PTPRK: variants seen among roughly 807,000 people sequenced by gnomAD.
The protein encoded by PTPRK is receptor-type tyrosine-protein phosphatase kappa.
In PTPRK, 75 loss-of-function variants were observed where a neutral mutation model predicts 178.0. The ratio of observed to expected loss-of-function variants is 0.42; its 90% CI spans 0.35 to 0.51. The LOEUF is 0.51. PTPRK is among the 20% of genes least tolerant of loss of function. The pLI is 0.02. For missense variants in PTPRK, 1,441 were observed against 1,797.8 expected, an observed-to-expected ratio of 0.80 and a Z score of 3.59; for synonymous variants, 637 against 620.6, an observed-to-expected ratio of 1.03 and a Z score of -0.39.
chr6:128,339,565 A>G (rs868418820), intron 2 of PTPRK, among the ~76,000 whole-genome samples: 62 of 152,158 alleles, frequency 4.1e-4, no homozygotes, highest in African/African-American at 1.5e-3. Context: ...GCTACAACAC[A>G]CATATGTATC....
chr6:128,388,227 G>A (rs1839044868), intron 2 of PTPRK, among the ~76,000 whole-genome samples: 1 of 152,122 alleles, frequency 6.6e-6, no homozygotes, highest in Admixed American at 6.5e-5. Context: ...AAGACATAAG[G>A]AGGAGACAAC....
At chr6:128,505,182 C>T (rs1856146371) in intron 1 of PTPRK, among the ~76,000 whole-genome samples, 2 of 150,080 alleles carry the variant, frequency 1.3e-5, no homozygotes, top group African/African-American at 4.9e-5. Flanking sequence ...CGGCTCGCTG[C>T]AACTTCTGCC....
chr6:128,067,797 G>A lies in PTPRK; in HGVS notation c.1884-5C>T. The A allele has an allele frequency of 6.4e-7, 1 of 1,565,824 alleles. No homozygotes were observed. Among genetic ancestry groups the A allele is most frequent in the Non-Finnish European group, 8.7e-7 (1 of 1,155,918 alleles). On this transcript the variant is annotated splice_polypyrimidine_tract_variant and splice_region_variant and intron_variant, in intron 11 of 29. Transcript: ENST00000368226. ...TCCACAACAATCTGATAAGCACTTT[G>A]GGGAAAAGAAAAAAAGAACACACAT...
Position 128,261,262 on chromosome 6 carries a change from A to G in PTPRK, c.496-18660T>C, listed in dbSNP as rs1818134614. 3.3e-5 allele frequency among the ~76,000 whole-genome samples: 5 copies of G among 152,320 alleles called. No individual in the cohort carries two copies. The South Asian group carries it at 1.0e-3, about 32-fold the overall frequency. On this transcript the variant is annotated intron_variant, in intron 3 of 29. Coordinates refer to ENST00000368226, the MANE Select transcript of PTPRK (RefSeq NM_002844.4). Reference sequence around the variant, plus strand: ...TATGATTAAAGATGTAAAAGCAGAAATCAATACTTATACAGATTTTTCAAT... The same window carrying G: ...TATGATTAAAGATGTAAAAGCAGAAGTCAATACTTATACAGATTTTTCAAT...
rs530675526 is a variant in PTPRK at position 128,147,201 on chromosome 6, AT to A, written c.1162+37230del. ...TTATACAGAGATTATATGAACAGAT[AT>A]TGGAAACATTTATGAATAAAGATGA... On this transcript the variant is annotated intron_variant, in intron 7 of 29. Transcript: ENST00000368226. Among the ~76,000 whole-genome samples the A allele has an allele frequency of 7.0e-4, 107 of 152,332 alleles. 1 individual carries two copies. The highest frequency in any genetic ancestry group is 2.4e-3 in the African/African-American group (101 of 41,592).
chr6:128,276,224 C>T (rs1033295942), intron 3 of PTPRK, among the ~76,000 whole-genome samples: 14 of 152,040 alleles, frequency 9.2e-5, no homozygotes, highest in African/African-American at 3.4e-4. Context: ...AATTTAAATA[C>T]AAATTTCTTT....
intron 5 of PTPRK, among the ~76,000 whole-genome samples, chr6:128,228,440 A>G (rs930615947): frequency 8.0e-5 from 12 of 150,308 alleles, no homozygotes; most frequent in African/African-American, 2.7e-4. Flanking sequence ...AGGACAGGAG[A>G]TCGAGACCAT....
chr6:128,001,086 G>T, intron 15 of PTPRK: 1 of 781,372 alleles, frequency 1.3e-6, no homozygotes, highest in Non-Finnish European at 2.0e-6. Context: ...AATGTGACTA[G>T]TAGTGAGGGT....
At chr6:128,385,741 T>G (rs953181979) in intron 2 of PTPRK, among the ~76,000 whole-genome samples, 1 of 152,210 alleles carries the variant, frequency 6.6e-6, no homozygotes, top group African/African-American at 2.4e-5. Context: ...GCTCCACAGA[T>G]TAAGTCTTCA....
chr6:128,329,225 G>C (rs1333782379), intron 2 of PTPRK, among the ~76,000 whole-genome samples: 2 of 151,856 alleles, frequency 1.3e-5, no homozygotes, highest in African/African-American at 4.8e-5. Context: ...GTCTCTGCAG[G>C]GTATAAAGAT....
In PTPRK at chr6:128,280,559, C is replaced by A. The variant is rs965552181; in HGVS notation, c.496-37957G>T. On this transcript the variant is annotated intron_variant, in intron 3 of 29. Transcript: ENST00000368226. ...CCATACTTTCTGTGTTCAAAAGGCA[C>A]CTTTGGGAAATTAAGTTTATGGAAA... Among the ~76,000 whole-genome samples, 8 of 151,866 alleles carry A rather than the reference C, an allele frequency of 5.3e-5. 1 individual carries two copies. The highest frequency in any genetic ancestry group is 1.0e-4 in the Non-Finnish European group (7 of 67,982).
intron 2 of PTPRK, among the ~76,000 whole-genome samples, chr6:128,363,535 A>C (rs910472573): frequency 6.6e-6 from 1 of 152,174 alleles, no homozygotes; most frequent in Non-Finnish European, 1.5e-5. Context: ...GGTCTGTTCT[A>C]AACTACTTGA....
intron 1 of PTPRK, among the ~76,000 whole-genome samples, chr6:128,506,967 G>C (rs926538303): frequency 3.3e-5 from 5 of 152,094 alleles, no homozygotes; most frequent in Admixed American, 1.3e-4. Flanking sequence ...AATTTTATTA[G>C]TGTGCCAGGC....
intron 25 of PTPRK, 137 bp from the exon 26 acceptor site, chr6:127,977,191 T>C (rs1347640942): frequency 6.1e-6 from 5 of 821,572 alleles, no homozygotes; most frequent in Non-Finnish European, 9.7e-6. Context: ...AGAGTGATGA[T>C]TAAACCATGG....
At chr6:128,181,935 C>A (rs1292938407) in intron 7 of PTPRK, among the ~76,000 whole-genome samples, 1 of 152,036 alleles carries the variant, frequency 6.6e-6, no homozygotes, top group African/African-American at 2.4e-5. Context: ...TTTCTAATAA[C>A]AGAGCAAGAT....
At chr6:128,256,533 C>T (rs1182836326) in intron 3 of PTPRK, among the ~76,000 whole-genome samples, 1 of 151,700 alleles carries the variant, frequency 6.6e-6, no homozygotes, top group Non-Finnish European at 1.5e-5. Context: ...CTCCAACTCC[C>T]GGGTTCAAGC....
Position 128,064,799 on chromosome 6 carries a change from T to C in PTPRK, c.2158-5A>G. The C allele has an allele frequency of 1.9e-6, 3 of 1,574,576 alleles. No individual in the cohort carries two copies. Among genetic ancestry groups the C allele is most frequent in the Non-Finnish European group, 2.6e-6 (3 of 1,168,620 alleles). On this transcript the variant is annotated splice_polypyrimidine_tract_variant and splice_region_variant and intron_variant, in intron 12 of 29. Coordinates refer to ENST00000368226, the MANE Select transcript of PTPRK (RefSeq NM_002844.4). ...TACGCACTGGGTTTTAGTTTCCTGA[T>C]AGAGTAAAAATGAAAAAAAAAAGAG...
chr6:128,295,310 C>T (rs900143736), intron 3 of PTPRK, among the ~76,000 whole-genome samples: 1 of 152,072 alleles, frequency 6.6e-6, no homozygotes, highest in Non-Finnish European at 1.5e-5. Context: ...ATTTGGCCTG[C>T]TGGTGGTAAT....
chr6:128,117,253 G>A (rs78572986), intron 7 of PTPRK, among the ~76,000 whole-genome samples: 1,650 of 152,210 alleles, frequency 0.011, 32 homozygotes, highest in Admixed American at 0.046. Flanking sequence ...GGATTACAGC[G>A]TTCAATACCC....
Sources: allele counts gnomAD v4.1 joint callset (sites outside exome capture counted in the v4.1 genomes callset), GRCh38; gene constraint gnomAD v4.1.1; transcripts MANE v1.5; gene names NCBI Gene and HGNC (gene_info 2026-07-23, HGNC 2026-07-21).